The following FLT4 variants were observed in gnomAD, a reference collection of about 807,000 sequenced individuals.
The protein encoded by FLT4 is fms related receptor tyrosine kinase 4, also known as vascular endothelial growth factor receptor 3.
Under a neutral mutation model 163.2 loss-of-function variants are expected in FLT4, and 30 were observed. The observed-to-expected ratio is 0.18, with a 90% CI of 0.14 to 0.25. The LOEUF (loss-of-function observed/expected upper bound fraction) is 0.25, where lower values mean the gene tolerates loss of function less well. Among genes scored for constraint, FLT4 ranks in the 10% least tolerant of loss-of-function variants. The pLI is 1.00. For missense variants in FLT4, 1,510 were observed against 1,863.8 expected, an observed-to-expected ratio of 0.81 and a Z score of 3.50; for synonymous variants, 884 against 789.5, an observed-to-expected ratio of 1.12 and a Z score of -2.01.
chr5:180,613,259 CTG>C lies in FLT4; in HGVS notation c.3332-151_3332-150del, dbSNP rs572280394. The C allele has an allele frequency of 2.0e-4, 120 of 594,938 alleles. 1 individual carries two copies. The South Asian group carries it at 2.4e-3, about 12-fold the overall frequency. The allele number at this position is 594,938 out of a possible 1,614,324, so 36.9% of individuals were successfully genotyped here. ...GGTGGGGTGGAGATGGCTCACCCGACTGTGCTCTACCTGGGACCTGTGGGCAA... is the reference window on the plus strand; with the variant it reads ...GGTGGGGTGGAGATGGCTCACCCGACTGCTCTACCTGGGACCTGTGGGCAA... On this transcript the variant is annotated intron_variant, in intron 24 of 29. Coordinates refer to ENST00000261937, the MANE Select transcript of FLT4 (RefSeq NM_182925.5).
intron 12 of FLT4, among the ~76,000 whole-genome samples, chr5:180,622,238 C>G (rs943520249): frequency 6.6e-6 from 1 of 152,184 alleles, no homozygotes; most frequent in African/African-American, 2.4e-5. Context: ...GGCCCCCCAG[C>G]CCCCGGGTGT....
intron 13 of FLT4, 26 bp from the exon 14 acceptor site, chr5:180,621,278 T>C (rs377090841): frequency 6.2e-7 from 1 of 1,607,240 alleles, no homozygotes; most frequent in African/African-American, 1.3e-5. Context: ...GAGAGGGAGC[T>C]AAGTGGAGCT....
At chr5:180,646,936 T>C (rs307813) in intron 1 of FLT4, among the ~76,000 whole-genome samples, 73,035 of 151,996 alleles carry the variant, frequency 0.48, 19,062 homozygotes, top group East Asian at 0.62. Flanking sequence ...GCCTGGTGGA[T>C]GAGGGAACAG....
chr5:180,628,040 A>G (rs1176233189), intron 8 of FLT4, among the ~76,000 whole-genome samples: 3 of 152,126 alleles, frequency 2.0e-5, no homozygotes, highest in Non-Finnish European at 4.4e-5. Context: ...CTGCTTGCCC[A>G]GCTCCAGGAA....
At chr5:180,606,672 A>G (rs1218032033) in intron 29 of FLT4, among the ~76,000 whole-genome samples, 1 of 152,166 alleles carries the variant, frequency 6.6e-6, no homozygotes, top group African/African-American at 2.4e-5. Context: ...TGTTTTTTGA[A>G]TGTCGAAATG....
chr5:180,629,591 G>A, intron 6 of FLT4, 105 bp downstream of exon 6: 1 of 1,479,602 alleles, frequency 6.8e-7, no homozygotes, highest in Non-Finnish European at 9.2e-7. Flanking sequence ...GGGGCCCCTG[G>A]GGCAGGCCTG....
Position 180,630,409 on chromosome 5 carries a change from G to GTGGTGC in FLT4, c.401-78_401-73dup. On this transcript the variant is annotated intron_variant, in intron 3 of 29. Coordinates refer to ENST00000261937, the MANE Select transcript of FLT4 (RefSeq NM_182925.5). This position sits in a 1 kb window ranked among gnomAD's most constrained non-coding sequence, Gnocchi z 6.3. ...CTGGGGGAGGGCTCCACGGGGCTGG[G>GTGGTGC]TGGTGCTGGTCCTGAACCAGCCACC... 1 of 1,550,142 alleles carries GTGGTGC rather than the reference G, an allele frequency of 6.5e-7. No individual in the cohort carries two copies. Among genetic ancestry groups the GTGGTGC allele is most frequent in the South Asian group, 1.1e-5 (1 of 89,556 alleles).
chr5:180,612,168 T>C (rs1762256133), intron 26 of FLT4, among the ~76,000 whole-genome samples: 1 of 152,098 alleles, frequency 6.6e-6, no homozygotes, highest in African/African-American at 2.4e-5. Flanking sequence ...GGGACAGAAC[T>C]GGCACCAGGT....
Position 180,647,414 on chromosome 5 carries a change from G to T in FLT4, c.58+2074C>A, listed in dbSNP as rs1362857549. Among the ~76,000 whole-genome samples, 5 of 152,072 alleles carry T rather than the reference G, an allele frequency of 3.3e-5. No individual in the cohort carries two copies. In the East Asian group the frequency reaches 9.6e-4, roughly 29 times the overall value. ...TTGGGGAAACTGAGGTGCAGGGAGG[G>T]GAAAGGAGGGGGCCCAGGTCACACA... On this transcript the variant is annotated intron_variant, in intron 1 of 29. Transcript: ENST00000261937.
rs185067104 is a variant in FLT4 at position 180,612,761 on chromosome 5, A to G, written c.3432-150T>C. ...TCCAGCTACCCTCGTTCCTCCTTCA[A>G]GTGTTAGCCCAGCGTCCCCTCCTGG... On this transcript the variant is annotated intron_variant, in intron 25 of 29. Transcript: ENST00000261937. 126 of 707,852 alleles carry G rather than the reference A, an allele frequency of 1.8e-4. No homozygotes were observed. In the African/African-American group the frequency reaches 2.0e-3, roughly 11 times the overall value. The allele number at this position is 707,852 out of a possible 1,614,324, so 43.8% of individuals were successfully genotyped here. A position where few individuals can be genotyped will look rare whatever the true frequency, so the allele number is the denominator to read the frequency against.
chr5:180,607,751 A>C (rs1205637581), intron 29 of FLT4, among the ~76,000 whole-genome samples: 1 of 152,186 alleles, frequency 6.6e-6, no homozygotes, highest in African/African-American at 2.4e-5. Flanking sequence ...ATCAGTCATT[A>C]GTATAAACAT....
chr5:180,613,364 TCCAC>T, intron 24 of FLT4: 1 of 455,680 alleles, frequency 2.2e-6, no homozygotes, highest in South Asian at 4.9e-5. Flanking sequence ...GCCAAGAGCA[TCCAC>T]CCACTGGCGA....
intron 22 of FLT4, among the ~76,000 whole-genome samples, chr5:180,616,694 G>A (rs1043908892): frequency 5.9e-5 from 9 of 152,318 alleles, no homozygotes; most frequent in African/African-American, 2.2e-4. Context: ...AGAAAGTTGT[G>A]GAGTCAAACA....
Position 180,618,805 on chromosome 5 carries a change from T to G in FLT4, c.2966A>C (p.Glu989Ala). The G allele has an allele frequency of 6.3e-7, 1 of 1,587,432 alleles. No homozygotes were observed. Among genetic ancestry groups the G allele is most frequent in the Non-Finnish European group, 8.6e-7 (1 of 1,167,676 alleles). Residue 989 changes from glutamate (E) to alanine (A), a missense_variant, in exon 21 of 30, where the codon GAG (glutamate) becomes GCG (alanine). Glu to Ala is a moderately radical substitution (Grantham distance 107). This residue lies in a region of FLT4 where 878 missense variants were observed against 1,016.7 expected (regional missense o/e 0.86). Transcript: ENST00000261937. ...RVLFARFSKTEGGARRASPDQ... is the reference protein window; with the variant it reads ...RVLFARFSKTAGGARRASPDQ... Reference sequence around the variant, plus strand: ...TGGAGAAGCCCGCCTCGCTCCGCCCTCGGTCTTCGAGAACCGCGCGAAGAG... The same window carrying G: ...TGGAGAAGCCCGCCTCGCTCCGCCCGCGGTCTTCGAGAACCGCGCGAAGAG...
In FLT4 at chr5:180,608,397, G is replaced by A. The variant is rs1307119145; in HGVS notation, c.3893+571C>T. On this transcript the variant is annotated intron_variant, in intron 29 of 29. Coordinates refer to ENST00000261937, the MANE Select transcript of FLT4 (RefSeq NM_182925.5). The stretch of plus-strand genomic sequence containing the variant: ...CTTGTCTTGCATGCAATAAATATCA[G>A]CGTGCTCAGCCATTCGGGGCCACTA... 8 of 695,362 alleles carry A rather than the reference G, an allele frequency of 1.2e-5. 1 individual carries two copies. Among genetic ancestry groups the A allele is most frequent in the Admixed American group, 6.0e-5 (3 of 49,776 alleles). The allele number at this position is 695,362 out of a possible 1,614,324, so 43.1% of individuals were successfully genotyped here. A position where few individuals can be genotyped will look rare whatever the true frequency, so the allele number is the denominator to read the frequency against.
intron 12 of FLT4, among the ~76,000 whole-genome samples, chr5:180,622,183 C>T (rs1035913682): frequency 3.3e-5 from 5 of 152,164 alleles, no homozygotes; most frequent in African/African-American, 1.2e-4. Context: ...GTGCCGTGCG[C>T]CCACTTCCTC....
intron 10 of FLT4, among the ~76,000 whole-genome samples, 188 bp from the exon 11 acceptor site, chr5:180,624,249 G>A (rs1303628573): frequency 1.4e-5 from 2 of 145,698 alleles, no homozygotes; most frequent in African/African-American, 2.6e-5. Flanking sequence ...TTTTTGAGAC[G>A]GAGTTTCACT....
intron 8 of FLT4, among the ~76,000 whole-genome samples, chr5:180,626,701 C>G (rs1411733585): frequency 1.3e-5 from 2 of 152,214 alleles, no homozygotes; most frequent in Admixed American, 1.3e-4. Context: ...GGCCTGGAGA[C>G]CCCGTCCTCT....
intron 1 of FLT4, among the ~76,000 whole-genome samples, chr5:180,644,603 G>A (rs1765375906): frequency 6.6e-6 from 1 of 152,202 alleles, no homozygotes; most frequent in South Asian, 2.1e-4. Context: ...TTTCACCCTT[G>A]TGGCCTGAAT....
Sources: gnomAD v4.1 joint callset for allele counts (sites outside exome capture counted in the v4.1 genomes callset) on GRCh38, gnomAD v4.1.1 for gene constraint, gnomAD v4.1.1 regional missense constraint, Gnocchi (gnomAD v3.1) non-coding constraint, MANE v1.5 for transcripts, NCBI Gene and HGNC (gene_info 2026-07-23, HGNC 2026-07-21) for gene names.